PCDHGA8: variants seen among roughly 807,000 people sequenced by gnomAD.
PCDHGA8 encodes the protein protocadherin gamma-A8.
A neutral mutation model predicts 59.2 loss-of-function variants in PCDHGA8; 45 were observed. The ratio of observed to expected loss-of-function variants is 0.76; its 90% CI spans 0.60 to 0.98. The LOEUF is 0.98. PCDHGA8 is among the 50% of genes least tolerant of loss of function. The pLI is 0.00. For missense variants in PCDHGA8, 1,257 were observed against 1,196.2 expected (o/e 1.05, Z -0.75); for synonymous variants, 531 against 519.0 (o/e 1.02, Z -0.32).
At chr5:141,496,402 G>T (rs551923899) in intron 2 of PCDHGA8, among the ~76,000 whole-genome samples, 183 of 152,248 alleles carry the variant, frequency 1.2e-3, no homozygotes, top group African/African-American at 4.0e-3. Flanking sequence ...CCTCCTCAAT[G>T]GTTGAGTACT....
In PCDHGA8 at chr5:141,489,504, A is replaced by G. The variant is rs148241772; in HGVS notation, c.2425-5303A>G. 193 of 1,614,016 alleles carry G rather than the reference A, an allele frequency of 1.2e-4. No individual in the cohort carries two copies. Among genetic ancestry groups the G allele is most frequent in the Non-Finnish European group, 1.6e-4 (184 of 1,180,046 alleles). On this transcript the variant is annotated intron_variant, in intron 1 of 3. Transcript: ENST00000398604. The surrounding 1 kb of genome is among the most constrained non-coding windows in gnomAD (Gnocchi z 4.5). ...TGAGTGGTGCCCTGGCAGTGAATCA[A>G]AAGATTGACCGAGAAAGCCTATGTG...
rs144789830 is a variant in PCDHGA8 at position 141,503,198 on chromosome 5, C to T, written c.2484-2195C>T. Among the ~76,000 whole-genome samples the T allele has an allele frequency of 3.7e-3, 561 of 152,172 alleles. 5 individuals carry two copies. Among genetic ancestry groups the T allele is most frequent in the Admixed American group, 0.011 (164 of 15,268 alleles). ...TATTGTGTAATTATTTAAAATCAGC[C>T]TCTCAGTGCCCACCATGAGCACCGT... On this transcript the variant is annotated intron_variant, in intron 2 of 3. Coordinates refer to ENST00000398604, the MANE Select transcript of PCDHGA8 (RefSeq NM_032088.2).
At position 141,436,830 on chromosome 5, in the gene PCDHGA8, T is replaced by C. The variant is rs1054296892; in HGVS notation, c.2424+41593T>C. On this transcript the variant is annotated intron_variant, in intron 1 of 3. Coordinates refer to ENST00000398604, the MANE Select transcript of PCDHGA8 (RefSeq NM_032088.2). ...TGACAGCTGGTTTAAAAATCTTAAGTGCCTAGGCACATTCTTGATTGAGAA... is the reference window on the plus strand; with the variant it reads ...TGACAGCTGGTTTAAAAATCTTAAGCGCCTAGGCACATTCTTGATTGAGAA... Among the ~76,000 whole-genome samples, 37 of 152,252 alleles carry C rather than the reference T, an allele frequency of 2.4e-4. 1 individual carries two copies.
Position 141,432,084 on chromosome 5 carries a change from TG to T in PCDHGA8, c.2424+36849del. 6.2e-7 allele frequency: 1 copy of T among 1,614,186 alleles called. No homozygotes were observed. Among genetic ancestry groups the T allele is most frequent in the Non-Finnish European group, 8.5e-7 (1 of 1,180,034 alleles). ...ACGGAAACTCATATCTCGCTGAACG[TG>T]GCAGACACCAACGACAACCCGCCGG... On this transcript the variant is annotated intron_variant, in intron 1 of 3. Transcript: ENST00000398604. The surrounding 1 kb of genome is among the most constrained non-coding windows in gnomAD (Gnocchi z 6.0).
Position 141,393,474 on chromosome 5 carries a change from C to T in PCDHGA8, c.661C>T (p.Pro221Ser), listed in dbSNP as rs773609499. ...CACGGCCTCGGATGGCGGCAAGCCG[C>T]CTCGCTCTAGCACAGTGCGCATCCA... ...VLTASDGGKPPRSSTVRIHVT... is the reference protein window; with the variant it reads ...VLTASDGGKPSRSSTVRIHVT... Residue 221 changes from proline (P) to serine (S), a missense_variant, in exon 1 of 4, where the codon CCT becomes TCT. Pro to Ser is a moderately conservative substitution (Grantham distance 74). Coordinates refer to ENST00000398604, the MANE Select transcript of PCDHGA8 (RefSeq NM_032088.2). 6.2e-7 allele frequency: 1 copy of T among 1,613,926 alleles called. No homozygotes were observed. The highest frequency in any genetic ancestry group is 1.3e-5 in the African/African-American group (1 of 74,946).
At chr5:141,478,044 C>T in intron 1 of PCDHGA8, 2 of 1,614,184 alleles carry the variant, frequency 1.2e-6, no homozygotes, top group South Asian at 1.1e-5. Flanking sequence ...CCCAGGCAGA[C>T]TCTCACGGTC....
At chr5:141,424,960 C>T (rs1291822416) in intron 1 of PCDHGA8, among the ~76,000 whole-genome samples, 1 of 152,102 alleles carries the variant, frequency 6.6e-6, no homozygotes, top group African/African-American at 2.4e-5. Context: ...AGGTATTTGC[C>T]CCAAATTACT....
chr5:141,488,885 T>C (rs1401230063), intron 1 of PCDHGA8, among the ~76,000 whole-genome samples: 1 of 152,194 alleles, frequency 6.6e-6, no homozygotes, highest in Admixed American at 6.5e-5. Flanking sequence ...GAAGCTTCTG[T>C]GACACAGATT....
chr5:141,392,984 G>A lies in PCDHGA8; in HGVS notation c.171G>A (p.Arg57=). 2 of 1,613,914 alleles carry A rather than the reference G, an allele frequency of 1.2e-6. No homozygotes were observed. The highest frequency in any genetic ancestry group is 1.7e-6 in the Non-Finnish European group (2 of 1,179,890). ...CCAAGGACCTGGGGCTGGACCCCCG[G>A]AAGCTGGCGAAGCACGGAGTCCGTA... ...NISKDLGLDP[R]KLAKHGVRIV... Residue 57 remains arginine (R), a synonymous_variant, in exon 1 of 4, where the codon CGG becomes CGA. Transcript: ENST00000398604.
At chr5:141,462,547 T>G (rs534942187) in intron 1 of PCDHGA8, among the ~76,000 whole-genome samples, 1 of 152,330 alleles carries the variant, frequency 6.6e-6, no homozygotes, top group African/African-American at 2.4e-5. Flanking sequence ...TCTTTTCTTC[T>G]TCAGTGTTTA....
At position 141,394,821 on chromosome 5, in the gene PCDHGA8, G is replaced by A. The variant is rs2093106496; in HGVS notation, c.2008G>A (p.Glu670Lys). ...CGTAGCCGTGGCTGACAGCATCCCC[G>A]AAGTCCTGACCGAGTTGGGCAGTCT... Reference protein sequence around the residue: ...LTVAVADSIPEVLTELGSLKP... With the variant: ...LTVAVADSIPKVLTELGSLKP... Residue 670 changes from glutamate to lysine, a missense_variant, in exon 1 of 4, where the codon GAA becomes AAA. By Grantham distance (56) the Glu-to-Lys change is moderately conservative. Transcript: ENST00000398604. The A allele has an allele frequency of 1.2e-6, 2 of 1,613,744 alleles. No homozygotes were observed. Among genetic ancestry groups the A allele is most frequent in the East Asian group, 2.2e-5 (1 of 44,894 alleles).
chr5:141,423,816 T>C lies in PCDHGA8; in HGVS notation c.2424+28579T>C, dbSNP rs1205974775. ...TTAGAGCAATACATGTGAGTTTTACTTTGCCTTTCATGAGATTACGATAAT... is the reference window on the plus strand; with the variant it reads ...TTAGAGCAATACATGTGAGTTTTACCTTGCCTTTCATGAGATTACGATAAT... On this transcript the variant is annotated intron_variant, in intron 1 of 3. Transcript: ENST00000398604. 3 of 1,273,904 alleles carry C rather than the reference T, an allele frequency of 2.4e-6. No individual in the cohort carries two copies. The African/African-American group carries it at 4.7e-5, about 20-fold the overall frequency. 78.9% of individuals were successfully genotyped at this position (1,273,904 alleles called of 1,614,324 possible).
intron 1 of PCDHGA8, chr5:141,398,152 G>T: frequency 5.3e-6 from 8 of 1,498,488 alleles, no homozygotes; most frequent in Non-Finnish European, 7.1e-6. Context: ...CGGGGAGCTG[G>T]GCCGGGCTGA....
chr5:141,433,812 G>A (rs535623556), intron 1 of PCDHGA8, among the ~76,000 whole-genome samples: 46 of 150,530 alleles, frequency 3.1e-4, no homozygotes, highest in African/African-American at 1.1e-3. Context: ...ACTCCAGCCT[G>A]GGCAACAAGA....
chr5:141,433,742 C>T lies in PCDHGA8; in HGVS notation c.2424+38505C>T, dbSNP rs927651405. 2.6e-5 allele frequency among the ~76,000 whole-genome samples: 4 copies of T among 150,944 alleles called. No homozygotes were observed. The East Asian group carries it at 7.9e-4, about 30-fold the overall frequency. On this transcript the variant is annotated intron_variant, in intron 1 of 3. Coordinates refer to ENST00000398604, the MANE Select transcript of PCDHGA8 (RefSeq NM_032088.2). Reference sequence around the variant, plus strand: ...ATCCCAGCTACTTGGGAGGCTGAGTCAGGAGAATTGCTTTAACCTGGGAGG... The same window carrying T: ...ATCCCAGCTACTTGGGAGGCTGAGTTAGGAGAATTGCTTTAACCTGGGAGG...
intron 1 of PCDHGA8, among the ~76,000 whole-genome samples, chr5:141,470,537 A>G (rs189730495): frequency 1.3e-5 from 2 of 152,256 alleles, no homozygotes; most frequent in Non-Finnish European, 2.9e-5. Context: ...TGTATCAGGT[A>G]ATATTTATTG....
chr5:141,400,048 G>A (rs760963865), intron 1 of PCDHGA8: 3 of 1,613,664 alleles, frequency 1.9e-6, no homozygotes, highest in Non-Finnish European at 2.5e-6. Context: ...CCTGCTGGTT[G>A]CTGTGCGTGA....
intron 1 of PCDHGA8, among the ~76,000 whole-genome samples, chr5:141,461,616 T>A (rs1399885412): frequency 6.6e-6 from 1 of 152,236 alleles, no homozygotes; most frequent in African/African-American, 2.4e-5. Context: ...CAAAGTATTT[T>A]CTAATACACC....
intron 1 of PCDHGA8, among the ~76,000 whole-genome samples, chr5:141,480,874 G>A (rs1487409799): frequency 2.6e-5 from 4 of 151,950 alleles, no homozygotes; most frequent in African/African-American, 7.3e-5. Context: ...GTGAAACCCC[G>A]TCTCTACTAA....
Sources: gnomAD v4.1 joint callset for allele counts (sites outside exome capture counted in the v4.1 genomes callset) on GRCh38, gnomAD v4.1.1 for gene constraint, Gnocchi (gnomAD v3.1) non-coding constraint, MANE v1.5 for transcripts, NCBI Gene and HGNC (gene_info 2026-07-23, HGNC 2026-07-21) for gene names.